The following CAB39 variants were observed in gnomAD, a reference collection of about 807,000 sequenced individuals.
CAB39 encodes the protein calcium-binding protein 39.
CAB39 carries 8 observed loss-of-function variants against 40.0 expected under a neutral mutation model. The ratio of observed to expected loss-of-function variants is 0.20; its 90% CI spans 0.12 to 0.36. The LOEUF is 0.36. Among genes scored for constraint, CAB39 ranks in the 10% least tolerant of loss-of-function variants. The pLI is 1.00. For synonymous variants in CAB39, 156 were observed against 141.6 expected (o/e 1.10, Z -0.72); for missense variants, 270 against 401.1 (o/e 0.67, Z 2.79).
At chr2:230,715,130 TACAC>T (rs1243204100) in intron 1 of CAB39, among the ~76,000 whole-genome samples, 2 of 152,214 alleles carry the variant, frequency 1.3e-5, no homozygotes, top group Non-Finnish European at 2.9e-5. Flanking sequence ...TGCATATGTA[TACAC>T]ACACACATCT....
At chr2:230,767,934 CCT>C (rs1695416140) in intron 2 of CAB39, among the ~76,000 whole-genome samples, 1 of 152,158 alleles carries the variant, frequency 6.6e-6, no homozygotes, top group Admixed American at 6.5e-5. Context: ...TTCACCCAAT[CCT>C]CTATTTAAAA....
chr2:230,782,816 T>TCTTTCTC (rs776489345), intron 2 of CAB39, among the ~76,000 whole-genome samples: 1 of 123,520 alleles, frequency 8.1e-6, no homozygotes, highest in Non-Finnish European at 1.7e-5. Flanking sequence ...TTTCTTTCTT[T>TCTTTCTC]TTTTTTTTTT....
chr2:230,820,713 CACA>C lies in CAB39; in HGVS notation c.*2013_*2015del, dbSNP rs1011549080. 5 of 152,632 alleles carry C rather than the reference CACA, an allele frequency of 3.3e-5. No individual in the cohort carries two copies. Among genetic ancestry groups the C allele is most frequent in the Non-Finnish European group, 7.3e-5 (5 of 68,042 alleles). The allele number at this position is 152,632 out of a possible 1,614,324, so 9.5% of individuals were successfully genotyped here. On this transcript the variant is annotated 3_prime_UTR_variant, in exon 9 of 9. Coordinates refer to ENST00000258418, the MANE Select transcript of CAB39 (RefSeq NM_016289.4). The stretch of plus-strand genomic sequence containing the variant: ...AGAAGTGAGGGTGCAGCGTGTCAGA[CACA>C]ACATTCATGTTACTCTTACATTGGA...
chr2:230,792,407 C>G (rs1695907356), intron 3 of CAB39, among the ~76,000 whole-genome samples: 1 of 152,134 alleles, frequency 6.6e-6, no homozygotes, highest in Admixed American at 6.5e-5. Context: ...AGTGCGGGGC[C>G]CAGGATGATC....
intron 1 of CAB39, among the ~76,000 whole-genome samples, chr2:230,737,955 T>A (rs555215507): frequency 6.6e-6 from 1 of 152,268 alleles, no homozygotes; most frequent in East Asian, 1.9e-4. Context: ...GCACTTGGGT[T>A]TTTCACCTTC....
chr2:230,717,339 A>C (rs984708078), intron 1 of CAB39, among the ~76,000 whole-genome samples: 3 of 152,226 alleles, frequency 2.0e-5, no homozygotes, highest in African/African-American at 7.2e-5. Context: ...CATTGTAAGA[A>C]GACTTGTATT....
At chr2:230,731,752 T>C (rs1029385071) in intron 1 of CAB39, among the ~76,000 whole-genome samples, 4 of 152,208 alleles carry the variant, frequency 2.6e-5, no homozygotes, top group African/African-American at 9.7e-5. Flanking sequence ...TGCCTAGGCC[T>C]CCCAAAGTGC....
chr2:230,727,965 G>A (rs1694616478), intron 1 of CAB39, among the ~76,000 whole-genome samples: 2 of 152,176 alleles, frequency 1.3e-5, no homozygotes, highest in Non-Finnish European at 2.9e-5. Context: ...CAGGCCAGGT[G>A]TGGTGGCTCA....
chr2:230,740,437 G>A (rs540008078), intron 1 of CAB39, among the ~76,000 whole-genome samples: 11 of 152,284 alleles, frequency 7.2e-5, no homozygotes, highest in Non-Finnish European at 8.8e-5. Flanking sequence ...AGAAGGAATT[G>A]AATAGGAATA....
chr2:230,810,795 G>C (rs370720822), intron 6 of CAB39, among the ~76,000 whole-genome samples: 1 of 152,200 alleles, frequency 6.6e-6, no homozygotes, highest in African/African-American at 2.4e-5. Context: ...ACCGCTTGGG[G>C]ACTTAGAAGT....
At chr2:230,749,408 G>T (rs1351339674) in intron 1 of CAB39, among the ~76,000 whole-genome samples, 1 of 151,826 alleles carries the variant, frequency 6.6e-6, no homozygotes, top group Non-Finnish European at 1.5e-5. Context: ...ATCATGTATT[G>T]ATTTTTTTAA....
At chr2:230,744,985 A>G (rs989878351) in intron 1 of CAB39, among the ~76,000 whole-genome samples, 11 of 152,272 alleles carry the variant, frequency 7.2e-5, no homozygotes, top group African/African-American at 2.7e-4. Context: ...TTAGCATTAC[A>G]GCATATTTCA....
At chr2:230,755,573 T>C (rs1695174681) in intron 1 of CAB39, among the ~76,000 whole-genome samples, 1 of 152,222 alleles carries the variant, frequency 6.6e-6, no homozygotes, top group Admixed American at 6.5e-5. Context: ...TTGTGAAGAT[T>C]TTCTCCCACT....
chr2:230,763,992 C>T (rs1421366498), intron 2 of CAB39, among the ~76,000 whole-genome samples: 2 of 151,944 alleles, frequency 1.3e-5, no homozygotes, highest in Non-Finnish European at 1.5e-5. Flanking sequence ...TGTGGTGGCA[C>T]GCACCTATAG....
At chr2:230,719,026 C>G (rs1411002505) in intron 1 of CAB39, among the ~76,000 whole-genome samples, 3 of 152,114 alleles carry the variant, frequency 2.0e-5, no homozygotes, top group African/African-American at 7.2e-5. Context: ...ATTAAATGTT[C>G]TTTGTCATAT....
In CAB39 at chr2:230,723,590, A is replaced by G. The variant is rs539212860; in HGVS notation, c.-44+10360A>G. Among the ~76,000 whole-genome samples, 151 of 152,228 alleles carry G rather than the reference A, an allele frequency of 9.9e-4. 1 individual carries two copies. Among genetic ancestry groups the G allele is most frequent in the Middle Eastern group, 3.4e-3 (1 of 294 alleles). On this transcript the variant is annotated intron_variant, in intron 1 of 8. Transcript: ENST00000258418. The stretch of plus-strand genomic sequence containing the variant: ...CCTTTTGCTCCTTTTAGTGCCCCAC[A>G]CTGTCCTTGAAGGACCATGCTGTCA...
chr2:230,748,476 T>C (rs1695014933), intron 1 of CAB39, among the ~76,000 whole-genome samples: 2 of 152,246 alleles, frequency 1.3e-5, no homozygotes, highest in South Asian at 4.1e-4. Context: ...GTTAAGGCCA[T>C]TGGTGATTGT....
At chr2:230,781,723 G>A (rs746157091) in intron 2 of CAB39, among the ~76,000 whole-genome samples, 2 of 152,188 alleles carry the variant, frequency 1.3e-5, no homozygotes, top group African/African-American at 4.8e-5. Context: ...AGATGAGAAG[G>A]ATGTGGTTAC....
intron 1 of CAB39, among the ~76,000 whole-genome samples, chr2:230,724,498 A>G (rs928843974): frequency 2.2e-4 from 33 of 151,970 alleles, no homozygotes; most frequent in Admixed American, 1.8e-3. Context: ...CCTGACCAAC[A>G]TGGAGAAATC....
Sources: allele counts gnomAD v4.1 joint callset (sites outside exome capture counted in the v4.1 genomes callset), GRCh38; gene constraint gnomAD v4.1.1; transcripts MANE v1.5; gene names NCBI Gene and HGNC (gene_info 2026-07-23, HGNC 2026-07-21).